The following BCL2L14 variants were observed in gnomAD, a reference collection of about 807,000 sequenced individuals.
BCL2L14 encodes the protein apoptosis facilitator Bcl-2-like protein 14.
BCL2L14 carries 27 observed loss-of-function variants against 35.3 expected under a neutral mutation model. That is an observed-to-expected ratio of 0.76 (90% CI 0.56 to 1.05). BCL2L14 has a LOEUF of 1.05. Ranked by LOEUF, BCL2L14 falls within the 50% of genes least tolerant of loss-of-function variation. The pLI, the probability that BCL2L14 is intolerant of heterozygous loss-of-function variation, is 0.00. For synonymous variants in BCL2L14, 139 were observed against 145.9 expected, an observed-to-expected ratio of 0.95 and a Z score of 0.34; for missense variants, 377 against 382.6, an observed-to-expected ratio of 0.99 and a Z score of 0.12.
intron 2 of BCL2L14, among the ~76,000 whole-genome samples, chr12:12,082,184 AGCCTGG>A: frequency 6.6e-6 from 1 of 152,352 alleles, no homozygotes; most frequent in East Asian, 1.9e-4. Context: ...GAAGTAGCAG[AGCCTGG>A]ACTCACCAGA....
chr12:12,054,199 G>C (rs904397317), intron 2 of BCL2L14, among the ~76,000 whole-genome samples: 1 of 152,074 alleles, frequency 6.6e-6, no homozygotes, highest in African/African-American at 2.4e-5. Flanking sequence ...AAGTTAAGAA[G>C]CTTGCTCAAA....
At chr12:12,078,797 C>CTTT (rs3052100) in intron 1 of BCL2L14, among the ~76,000 whole-genome samples, 134,171 of 148,192 alleles carry the variant, frequency 0.91, 60,602 homozygotes, top group East Asian at 1. Flanking sequence ...CATTCTCTCT[C>CTTT]TGTTGTTTTT....
intron 2 of BCL2L14, among the ~76,000 whole-genome samples, chr12:12,064,935 T>C (rs550192537): frequency 1.3e-5 from 2 of 152,242 alleles, no homozygotes; most frequent in Admixed American, 6.5e-5. Context: ...AGGCCAGTTA[T>C]AGCAACACAG....
At chr12:12,064,574 C>T (rs1948571315) in intron 2 of BCL2L14, among the ~76,000 whole-genome samples, 1 of 152,196 alleles carries the variant, frequency 6.6e-6, no homozygotes, top group Non-Finnish European at 1.5e-5. Context: ...ATGGCCACAA[C>T]AGCATGCCTA....
At chr12:12,075,789 A>G (rs1243605217) in intron 1 of BCL2L14, among the ~76,000 whole-genome samples, 1 of 151,760 alleles carries the variant, frequency 6.6e-6, no homozygotes, top group Non-Finnish European at 1.5e-5. Flanking sequence ...TTTTGGCGCC[A>G]TTTATTTGTT....
chr12:12,060,831 C>T (rs1228995046), intron 2 of BCL2L14, among the ~76,000 whole-genome samples: 1 of 130,754 alleles, frequency 7.6e-6, no homozygotes, highest in Non-Finnish European at 1.6e-5. Flanking sequence ...CTCTGACTGA[C>T]TCCTTCTCAG....
chr12:12,060,472 T>G (rs1786318474), intron 2 of BCL2L14, among the ~76,000 whole-genome samples: 1 of 102,538 alleles, frequency 9.8e-6, no homozygotes, highest in African/African-American at 3.8e-5. Flanking sequence ...AAAATTAAAT[T>G]CCGGCCCTCA....
intron 1 of BCL2L14, among the ~76,000 whole-genome samples, chr12:12,050,697 C>T (rs1287813918): frequency 6.7e-6 from 1 of 148,938 alleles, no homozygotes; most frequent in African/African-American, 2.5e-5. Flanking sequence ...AGCCTATTTA[C>T]AGGGGTGTCC....
Position 12,094,942 on chromosome 12 carries a change from C to T in BCL2L14, c.945+12C>T, listed in dbSNP as rs1490883329. 1 of 1,606,816 alleles carries T rather than the reference C, an allele frequency of 6.2e-7. No homozygotes were observed. On this transcript the variant is annotated intron_variant, in intron 5 of 5. Coordinates refer to ENST00000308721, the MANE Select transcript of BCL2L14 (RefSeq NM_138723.2). ...AGCACGGTGGATGGGTAAGCGTATC[C>T]TATTTAAAAACAAATTTTCTCAGAA...
In BCL2L14 at chr12:12,060,631, G is replaced by A. The variant is rs578209163; in HGVS notation, c.-272+8784G>A. 2.8e-3 allele frequency among the ~76,000 whole-genome samples: 129 copies of A among 46,348 alleles called. 38 individuals are homozygous for A. The highest frequency in any genetic ancestry group is 0.014 in the South Asian group (15 of 1,038). The allele number at this position is 46,348 out of a possible 152,430, so 30.4% of individuals were successfully genotyped here. On this transcript the variant is annotated intron_variant, in intron 2 of 3. Transcript: ENST00000461264. ...AAGGCCTAAACCTCAGCGTCCAGGC[G>A]TTCCTCCAGAACCTCCTCCCCGAGG...
At chr12:12,084,698 T>C (rs1949004490) in intron 2 of BCL2L14, among the ~76,000 whole-genome samples, 1 of 152,106 alleles carries the variant, frequency 6.6e-6, no homozygotes, top group East Asian at 1.9e-4. Context: ...AATTAAAATA[T>C]CCAAGATGGG....
chr12:12,084,656 A>G (rs932352556), intron 2 of BCL2L14, among the ~76,000 whole-genome samples: 19 of 152,210 alleles, frequency 1.2e-4, no homozygotes, highest in African/African-American at 3.9e-4. Context: ...CAAGTCTGAC[A>G]AGGATATAAT....
At position 12,080,675 on chromosome 12, in the gene BCL2L14, G is replaced by A. The variant is rs924930851; in HGVS notation, c.433+937G>A. Among the ~76,000 whole-genome samples the A allele has an allele frequency of 3.3e-5, 5 of 151,698 alleles. 1 individual carries two copies. Among genetic ancestry groups the A allele is most frequent in the African/African-American group, 9.7e-5 (4 of 41,328 alleles). On this transcript the variant is annotated intron_variant, in intron 2 of 5. Coordinates refer to ENST00000308721, the MANE Select transcript of BCL2L14 (RefSeq NM_138723.2). ...ACCAGGGGCTTGCTTGGGCTGCCTG[G>A]GCCGCTGCTCTTCCTAAGTCAACTC...
At chr12:12,049,947 G>A (rs1407796208) in exon 1 of BCL2L14, 1 of 152,138 alleles carries the variant, frequency 6.6e-6, no homozygotes, top group South Asian at 2.1e-4. Flanking sequence ...TTATTGTAAG[G>A]GGGAAATGTG....
chr12:12,079,740 T>C lies in BCL2L14; in HGVS notation c.433+2T>C, dbSNP rs560679485. 6.2e-7 allele frequency: 1 copy of C among 1,608,678 alleles called. No homozygotes were observed. Among genetic ancestry groups the C allele is most frequent in the Non-Finnish European group, 8.5e-7 (1 of 1,176,970 alleles). On this transcript the variant is annotated splice_donor_variant, in intron 2 of 5. Transcript: ENST00000308721. LOFTEE classifies it high-confidence loss of function. ...TGGAGCAGTGCTTGGAGCATGAAGG[T>C]AGGCATCTGGGATTTCTTTCTCTCC... is the stretch of plus-strand genomic sequence containing the variant.
chr12:12,084,018 T>C (rs919904290), intron 2 of BCL2L14, among the ~76,000 whole-genome samples: 1 of 152,188 alleles, frequency 6.6e-6, no homozygotes, highest in Non-Finnish European at 1.5e-5. Flanking sequence ...AAGGTGGCTG[T>C]TGGGGCTTCA....
rs573755546 is a variant in BCL2L14, at chr12:12,060,623, G to A, written c.-272+8776G>A. The stretch of plus-strand genomic sequence containing the variant: ...AACTTCCAAAGGCCTAAACCTCAGC[G>A]TCCAGGCGTTCCTCCAGAACCTCCT... On this transcript the variant is annotated intron_variant, in intron 2 of 3. Transcript: ENST00000461264. Among the ~76,000 whole-genome samples the A allele has an allele frequency of 0.014, 469 of 33,650 alleles. 41 individuals are homozygous for A. In the East Asian group the frequency reaches 0.5, roughly 36 times the overall value. 22.1% of individuals were successfully genotyped at this position (33,650 alleles called of 152,430 possible).
intron 2 of BCL2L14, among the ~76,000 whole-genome samples, chr12:12,053,129 G>A (rs1052276534): frequency 6.6e-6 from 1 of 152,162 alleles, no homozygotes; most frequent in Non-Finnish European, 1.5e-5. Flanking sequence ...AACACCTTTG[G>A]AAACACCTTA....
At chr12:12,052,464 C>T (rs901047582) in intron 2 of BCL2L14, among the ~76,000 whole-genome samples, 1 of 152,148 alleles carries the variant, frequency 6.6e-6, no homozygotes, top group East Asian at 1.9e-4. Context: ...TGAGTGAGAT[C>T]GTGCAATATT....
Sources: gnomAD v4.1 joint callset for allele counts (sites outside exome capture counted in the v4.1 genomes callset) on GRCh38, gnomAD v4.1.1 for gene constraint, MANE v1.5 for transcripts, NCBI Gene and HGNC (gene_info 2026-07-23, HGNC 2026-07-21) for gene names.